TSHR: variants seen among roughly 807,000 people sequenced by gnomAD.
TSHR encodes the protein thyroid stimulating hormone receptor, also known as thyrotropin receptor.
In TSHR, 51 loss-of-function variants were observed where a neutral mutation model predicts 64.1. The ratio of observed to expected loss-of-function variants is 0.80; its 90% CI spans 0.64 to 1.01. The LOEUF (loss-of-function observed/expected upper bound fraction) is 1.01, where lower values mean the gene tolerates loss of function less well. TSHR is among the 50% of genes least tolerant of loss of function. TSHR has a pLI of 0.00. For missense variants in TSHR, 877 were observed against 942.8 expected (o/e 0.93, Z 0.91); for synonymous variants, 361 against 361.9 (o/e 1.00, Z 0.03).
chr14:81,141,899 C>A (rs887751162), intron 9 of TSHR, among the ~76,000 whole-genome samples: 7 of 152,142 alleles, frequency 4.6e-5, no homozygotes, highest in African/African-American at 1.7e-4. Flanking sequence ...ATGGCACTCA[C>A]AAAGCTGCAG....
At chr14:81,035,724 T>C (rs1884589116) in intron 1 of TSHR, among the ~76,000 whole-genome samples, 1 of 152,222 alleles carries the variant, frequency 6.6e-6, no homozygotes, top group Admixed American at 6.5e-5. Context: ...TTTGTTTTGC[T>C]TCTTTGTTTG....
intron 9 of TSHR, among the ~76,000 whole-genome samples, 154 bp from the exon 10 acceptor site, chr14:81,142,786 T>G (rs1378583684): frequency 6.6e-6 from 1 of 151,792 alleles, no homozygotes; most frequent in Non-Finnish European, 1.5e-5. Context: ...ATGTTTGCAT[T>G]TTTTATAGAG....
chr14:81,098,693 T>TA (rs1279231998), intron 7 of TSHR, among the ~76,000 whole-genome samples: 2 of 152,274 alleles, frequency 1.3e-5, no homozygotes, highest in African/African-American at 4.8e-5. Context: ...AGACTCACAT[T>TA]AGCAGGGGCA....
chr14:81,106,559 T>C (rs1007208948), intron 7 of TSHR, among the ~76,000 whole-genome samples: 1 of 152,138 alleles, frequency 6.6e-6, no homozygotes, highest in Non-Finnish European at 1.5e-5. Context: ...GTAATAATTA[T>C]GGATTGTGAT....
At chr14:81,117,697 C>A (rs1161308227) in intron 8 of TSHR, among the ~76,000 whole-genome samples, 1 of 83,536 alleles carries the variant, frequency 1.2e-5, no homozygotes, top group African/African-American at 6.0e-5. Flanking sequence ...CATTCTGATA[C>A]CAAAGCCGGG....
intron 8 of TSHR, among the ~76,000 whole-genome samples, chr14:81,110,551 A>G (rs999418757): frequency 2.6e-5 from 4 of 152,230 alleles, no homozygotes; most frequent in Admixed American, 6.5e-5. Context: ...AAATCAGCCA[A>G]TCTGTGGTAT....
chr14:81,114,119 G>A (rs1424128347), intron 8 of TSHR, among the ~76,000 whole-genome samples: 1 of 124,284 alleles, frequency 8.0e-6, no homozygotes, highest in Non-Finnish European at 1.7e-5. Context: ...AAGCTGACAG[G>A]CCCAAGGAAA....
intron 2 of TSHR, among the ~76,000 whole-genome samples, chr14:81,062,447 AT>A (rs1886313943): frequency 6.6e-6 from 1 of 152,090 alleles, no homozygotes; most frequent in African/African-American, 2.4e-5. Context: ...AATTCATTTG[AT>A]TTTGAGCAGT....
intron 3 of TSHR, among the ~76,000 whole-genome samples, chr14:81,075,300 A>G (rs1887416523): frequency 1.3e-5 from 2 of 152,156 alleles, no homozygotes; most frequent in African/African-American, 4.8e-5. Flanking sequence ...CTCTGAACCT[A>G]TTCTGGTTAG....
At chr14:80,973,403 C>CAAAAAAAAAAA (rs58316010) in intron 1 of TSHR, among the ~76,000 whole-genome samples, 1,376 of 51,366 alleles carry the variant, frequency 0.027, 306 homozygotes, top group Admixed American at 0.083. Flanking sequence ...GACGCTGTCT[C>CAAAAAAAAAAA]AAAAAAAAAA....
At chr14:81,005,682 C>T (rs1314843082) in intron 1 of TSHR, among the ~76,000 whole-genome samples, 1 of 152,154 alleles carries the variant, frequency 6.6e-6, no homozygotes, top group Non-Finnish European at 1.5e-5. Flanking sequence ...ATTAGGAAAG[C>T]AGACTGCCAC....
chr14:81,043,483 T>A (rs531374981), intron 1 of TSHR, among the ~76,000 whole-genome samples: 1 of 152,286 alleles, frequency 6.6e-6, no homozygotes. Flanking sequence ...ATAGAAAGAA[T>A]CAATATTGTG....
intron 1 of TSHR, chr14:81,033,238 A>G: frequency 4.2e-6 from 2 of 476,616 alleles, no homozygotes; most frequent in Non-Finnish European, 4.1e-6. Flanking sequence ...AAGGGGCCAG[A>G]GCATCCACTA....
chr14:80,957,217 G>C (rs1011521188), intron 1 of TSHR, among the ~76,000 whole-genome samples: 2 of 152,102 alleles, frequency 1.3e-5, no homozygotes, highest in Non-Finnish European at 2.9e-5. Flanking sequence ...CCCAGATCCA[G>C]ATCCTGGATC....
intron 1 of TSHR, among the ~76,000 whole-genome samples, chr14:81,056,944 TA>T (rs1190670391): frequency 3.9e-5 from 6 of 152,246 alleles, no homozygotes. Flanking sequence ...AATGACAAGT[TA>T]AAATTATTTT....
At chr14:80,996,598 CT>C (rs57296886) in intron 1 of TSHR, among the ~76,000 whole-genome samples, 128,750 of 152,050 alleles carry the variant, frequency 0.85, 55,139 homozygotes, top group East Asian at 1. Flanking sequence ...TGGTCCTCAA[CT>C]GGCAAGAAGC....
At chr14:80,960,406 T>C (rs570371901) in intron 1 of TSHR, among the ~76,000 whole-genome samples, 1 of 152,342 alleles carries the variant, frequency 6.6e-6, no homozygotes, top group East Asian at 1.9e-4. Context: ...CCCACACATA[T>C]AAAGGTGACT....
chr14:81,023,209 C>T (rs949147977), intron 1 of TSHR, among the ~76,000 whole-genome samples: 1 of 152,130 alleles, frequency 6.6e-6, no homozygotes, highest in African/African-American at 2.4e-5. Context: ...TCCTGCCTGA[C>T]TGCTTGATCT....
chr14:80,990,223 C>T (rs1189541567), intron 1 of TSHR, among the ~76,000 whole-genome samples: 1 of 152,230 alleles, frequency 6.6e-6, no homozygotes, highest in Non-Finnish European at 1.5e-5. Context: ...AATGCAGTGA[C>T]TACTGCTTCC....
Sources: allele counts gnomAD v4.1 joint callset (sites outside exome capture counted in the v4.1 genomes callset), GRCh38; gene constraint gnomAD v4.1.1; transcripts MANE v1.5; gene names NCBI Gene and HGNC (gene_info 2026-07-23, HGNC 2026-07-21).